The following POLR1C variants were observed in gnomAD, a reference collection of about 807,000 sequenced individuals.
The protein encoded by POLR1C is RNA polymerase I and III subunit C.
Under a neutral mutation model 38.3 loss-of-function variants are expected in POLR1C, and 42 were observed. The ratio of observed to expected loss-of-function variants is 1.10; its 90% CI spans 0.86 to 1.42. POLR1C has a LOEUF of 1.42. Ranked by LOEUF, POLR1C falls within the 40% of genes most tolerant of loss-of-function variation. The pLI is 0.00. For synonymous variants in POLR1C, 163 were observed against 163.9 expected (o/e 0.99, Z 0.04); for missense variants, 507 against 450.5 (o/e 1.13, Z -1.14).
At chr6:43,541,057 C>A (rs1167113519) in intron 9 of POLR1C, among the ~76,000 whole-genome samples, 1 of 151,924 alleles carries the variant, frequency 6.6e-6, no homozygotes, top group Non-Finnish European at 1.5e-5. Flanking sequence ...TTAAACAATT[C>A]GACTCATGGA....
At chr6:43,528,912 C>T (rs1416739408) in intron 8 of POLR1C, 1 of 1,612,836 alleles carries the variant, frequency 6.2e-7, no homozygotes, top group East Asian at 2.2e-5. Flanking sequence ...GCACCAGAGG[C>T]TTTACAAAGA....
intron 9 of POLR1C, among the ~76,000 whole-genome samples, chr6:43,548,753 T>C (rs1162721301): frequency 6.6e-6 from 1 of 150,892 alleles, no homozygotes; most frequent in East Asian, 1.9e-4. Context: ...TATATCTATA[T>C]ATATATGGAG....
In POLR1C at chr6:43,562,198, C is replaced by A. The variant is rs765572201; in HGVS notation, c.*847C>A. ...TCATTGAAACATAAGTTTCTAAATG[C>A]TCTTCCCAAATGGGCTTGAAGCTCT... On this transcript the variant is annotated 3_prime_UTR_variant, in exon 11 of 11. Coordinates refer to the POLR1C transcript ENST00000607635. 8.1e-6 allele frequency: 12 copies of A among 1,472,818 alleles called. No individual in the cohort carries two copies. In the African/African-American group the frequency reaches 1.7e-4, roughly 21 times the overall value. 91.2% of individuals were successfully genotyped at this position (1,472,818 alleles called of 1,614,324 possible).
intron 9 of POLR1C, chr6:43,546,553 G>A: frequency 6.3e-7 from 1 of 1,589,252 alleles, no homozygotes; most frequent in Non-Finnish European, 8.5e-7. Context: ...ACAGAGAAAA[G>A]CCATTATTCT....
At chr6:43,539,675 C>A in intron 9 of POLR1C, 2 of 967,988 alleles carry the variant, frequency 2.1e-6, no homozygotes, top group East Asian at 2.6e-5. Context: ...GCCTCCAGGC[C>A]CCCCCACTGC....
At chr6:43,542,308 A>T (rs1480541718) in intron 9 of POLR1C, among the ~76,000 whole-genome samples, 1 of 152,188 alleles carries the variant, frequency 6.6e-6, no homozygotes, top group East Asian at 1.9e-4. Flanking sequence ...CACAGCTTCA[A>T]CACCTTCTAT....
intron 8 of POLR1C, chr6:43,528,782 G>A (rs1468792240): frequency 1.9e-6 from 3 of 1,562,128 alleles, no homozygotes; most frequent in South Asian, 2.3e-5. Flanking sequence ...AATGGCCAGA[G>A]GCCTTAATAG....
At chr6:43,548,403 G>A in intron 9 of POLR1C, 1 of 1,610,582 alleles carries the variant, frequency 6.2e-7, no homozygotes, top group Non-Finnish European at 8.5e-7. Flanking sequence ...ATTTGTGTCA[G>A]GAGTAGCTCA....
At chr6:43,531,159 G>A (rs747797832), downstream of POLR1C, among the ~76,000 whole-genome samples, 9 of 152,198 alleles carry the variant, frequency 5.9e-5, 1 homozygote, top group Admixed American at 4.6e-4. Context: ...ACTCCTATGA[G>A]AAGTATGCCG....
At chr6:43,538,096 A>G (rs1366677607) in intron 9 of POLR1C, among the ~76,000 whole-genome samples, 2 of 149,932 alleles carry the variant, frequency 1.3e-5, no homozygotes, top group South Asian at 2.1e-4. Flanking sequence ...AAAAAAAAAA[A>G]AAAAAAGGCA....
intron 10 of POLR1C, among the ~76,000 whole-genome samples, chr6:43,552,946 G>A (rs1458632510): frequency 6.6e-6 from 1 of 152,156 alleles, no homozygotes; most frequent in African/African-American, 2.4e-5. Context: ...GTTTGAACTT[G>A]AGTATGCTAT....
chr6:43,525,047 G>A (rs897931701), downstream of POLR1C: 36 of 1,580,064 alleles, frequency 2.3e-5, no homozygotes, highest in African/African-American at 5.4e-5. Context: ...GAATGATTTA[G>A]TCAGTCTGCA....
At chr6:43,539,124 G>C (rs1323256345) in intron 9 of POLR1C, 45 of 1,210,080 alleles carry the variant, frequency 3.7e-5, no homozygotes, top group Non-Finnish European at 5.0e-5. Flanking sequence ...GGGATGAGGC[G>C]CACCAGCACA....
chr6:43,558,631 G>C (rs961265657), intron 10 of POLR1C: 61 of 1,476,214 alleles, frequency 4.1e-5, no homozygotes, highest in Non-Finnish European at 5.2e-5. Flanking sequence ...GATGAAAGTG[G>C]ACCCACTGAA....
At chr6:43,518,063 G>A (rs1792932953) in intron 2 of POLR1C, among the ~76,000 whole-genome samples, 1 of 152,126 alleles carries the variant, frequency 6.6e-6, no homozygotes, top group Admixed American at 6.6e-5. Flanking sequence ...TGTGCTCCGG[G>A]CATGTCCAAG....
chr6:43,548,528 C>T, intron 9 of POLR1C: 1 of 1,361,472 alleles, frequency 7.3e-7, no homozygotes, highest in Non-Finnish European at 9.7e-7. Flanking sequence ...GTGGCTTACT[C>T]AAGGAAGAAA....
chr6:43,539,485 C>T, intron 9 of POLR1C: 1 of 1,576,032 alleles, frequency 6.3e-7, no homozygotes, highest in Non-Finnish European at 8.6e-7. Flanking sequence ...ACTTGATCTT[C>T]ATGTCCTTGA....
intron 9 of POLR1C, chr6:43,538,888 G>A: frequency 1.6e-6 from 2 of 1,279,718 alleles, no homozygotes; most frequent in South Asian, 1.2e-5. Flanking sequence ...TCTTGACGAG[G>A]TGGTCAGTGA....
At chr6:43,527,592 C>T (rs1793680728) in intron 8 of POLR1C, 3 of 1,604,750 alleles carry the variant, frequency 1.9e-6, no homozygotes, top group Admixed American at 1.7e-5. Flanking sequence ...GCTCTTCTTC[C>T]AGGAAAATCC....
Sources: allele counts gnomAD v4.1 joint callset (sites outside exome capture counted in the v4.1 genomes callset), GRCh38; gene constraint gnomAD v4.1.1; transcripts MANE v1.5; gene names NCBI Gene and HGNC (gene_info 2026-07-23, HGNC 2026-07-21).